Variants in NDUFA12 observed in about 807,000 individuals in gnomAD.
The protein encoded by NDUFA12 is NADH dehydrogenase [ubiquinone] 1 alpha subcomplex subunit 12.
NDUFA12 carries 17 observed loss-of-function variants against 20.3 expected under a neutral mutation model. The observed-to-expected ratio is 0.84, with a 90% CI of 0.57 to 1.26. NDUFA12 has a LOEUF of 1.26. Ranked by LOEUF, NDUFA12 falls within the 50% of genes most tolerant of loss-of-function variation. The pLI, the probability that NDUFA12 is intolerant of heterozygous loss-of-function variation, is 0.00. For synonymous variants in NDUFA12, 72 were observed against 63.6 expected, an observed-to-expected ratio of 1.13 and a Z score of -0.63; for missense variants, 191 against 183.7, an observed-to-expected ratio of 1.04 and a Z score of -0.23.
chr12:94,988,792 G>T (rs527887974), intron 3 of NDUFA12, among the ~76,000 whole-genome samples: 1 of 152,100 alleles, frequency 6.6e-6, no homozygotes, highest in Non-Finnish European at 1.5e-5. Context: ...TGGTGCTAAC[G>T]CCATTTTAGG....
intron 3 of NDUFA12, among the ~76,000 whole-genome samples, chr12:94,978,704 T>G (rs1324724148): frequency 6.6e-6 from 1 of 152,222 alleles, no homozygotes; most frequent in Non-Finnish European, 1.5e-5. Context: ...AGAAAATGAT[T>G]GTTCCTTATT....
intron 3 of NDUFA12, among the ~76,000 whole-genome samples, chr12:94,984,469 C>A (rs1236387657): frequency 1.3e-5 from 2 of 151,624 alleles, no homozygotes; most frequent in African/African-American, 2.4e-5. Context: ...GCGGAGGTTG[C>A]GGTTGAGCTG....
intron 2 of NDUFA12, among the ~76,000 whole-genome samples, chr12:94,998,384 G>C (rs1029630077): frequency 1.3e-5 from 2 of 152,100 alleles, no homozygotes; most frequent in Non-Finnish European, 2.9e-5. Flanking sequence ...ATACCGAATG[G>C]GGAAAGGCTG....
intron 3 of NDUFA12, among the ~76,000 whole-genome samples, chr12:94,983,169 G>GTAAGAACCAAAGAGC (rs1874299166): frequency 6.6e-6 from 1 of 152,014 alleles, no homozygotes; most frequent in South Asian, 2.1e-4. Flanking sequence ...TCCTTGACTG[G>GTAAGAACCAAAGAGC]TTTTTCTCTC....
At position 94,971,487 on chromosome 12, in the gene NDUFA12, T is replaced by C. The variant is rs746961036; in HGVS notation, c.391A>G (p.Arg131Gly). ...GGGATCCACTCCTGAATCTTCTTTC[T>C]AGTGGTAGAATAAGGTACATATTGT... The part of the protein sequence containing the change: ...PEQYVPYSTT[R>G]KKIQEWIPPS... Residue 131 changes from arginine to glycine, a missense_variant, in exon 4 of 4, where the codon AGA becomes GGA. By Grantham distance (125) the Arg-to-Gly change is moderately radical (BLOSUM62 -2). Transcript: ENST00000327772. 4 of 1,614,132 alleles carry C rather than the reference T, an allele frequency of 2.5e-6. No individual in the cohort carries two copies. The highest frequency in any genetic ancestry group is 1.7e-5 in the Admixed American group (1 of 60,010).
At chr12:95,003,113 A>T (rs560436773) in intron 1 of NDUFA12, among the ~76,000 whole-genome samples, 1 of 152,360 alleles carries the variant, frequency 6.6e-6, no homozygotes, top group South Asian at 2.1e-4. Flanking sequence ...AAAGTATTTC[A>T]TCTTCTTACA....
At chr12:94,998,955 T>C (rs1038277059) in intron 2 of NDUFA12, among the ~76,000 whole-genome samples, 4 of 152,172 alleles carry the variant, frequency 2.6e-5, no homozygotes, top group African/African-American at 9.7e-5. Context: ...AATACCATCA[T>C]CATTCTTCAC....
chr12:94,997,645 T>C (rs1874881732), intron 2 of NDUFA12, among the ~76,000 whole-genome samples: 1 of 152,186 alleles, frequency 6.6e-6, no homozygotes, highest in Non-Finnish European at 1.5e-5. Flanking sequence ...GAAACTTTTT[T>C]TGTGTGCTGT....
intron 2 of NDUFA12, among the ~76,000 whole-genome samples, chr12:95,001,672 G>A (rs1473193499): frequency 6.6e-6 from 1 of 152,094 alleles, no homozygotes; most frequent in African/African-American, 2.4e-5. Context: ...ATAAAACAAT[G>A]CTGTGATGTA....
chr12:94,984,206 C>T (rs1053621474), intron 3 of NDUFA12, among the ~76,000 whole-genome samples: 2 of 152,106 alleles, frequency 1.3e-5, no homozygotes, highest in Admixed American at 1.3e-4. Flanking sequence ...CTGGTGGGGA[C>T]ACACAATCAT....
chr12:94,996,819 CAA>C (rs10654978), intron 2 of NDUFA12: 650 of 153,092 alleles, frequency 4.2e-3, no homozygotes, highest in South Asian at 0.013. Context: ...AACTCTGTCT[CAA>C]AAAAAAAAAA....
In NDUFA12 at chr12:94,990,588, A is replaced by G. The variant is rs532416357; in HGVS notation, c.257+3582T>C. The stretch of plus-strand genomic sequence containing the variant: ...CAGGCATGTACAACCATGCCTGGCT[A>G]ATTTTCTAAAACTTTTTTTATTTAT... On this transcript the variant is annotated intron_variant, in intron 3 of 3. Coordinates refer to ENST00000327772, the MANE Select transcript of NDUFA12 (RefSeq NM_018838.5). Among the ~76,000 whole-genome samples the G allele has an allele frequency of 3.5e-4, 53 of 152,120 alleles. No homozygotes were observed. The South Asian group carries it at 0.011, about 31-fold the overall frequency.
intron 1 of NDUFA12, among the ~76,000 whole-genome samples, chr12:95,003,352 A>G (rs1025205584): frequency 4.6e-5 from 7 of 152,172 alleles, no homozygotes; most frequent in Non-Finnish European, 1.0e-4. Context: ...GGCGTGGGAA[A>G]AGAGGGGAGC....
chr12:94,996,819 CAAA>C (rs10654978), intron 2 of NDUFA12: 72 of 153,318 alleles, frequency 4.7e-4, no homozygotes, highest in South Asian at 1.1e-3. Flanking sequence ...AACTCTGTCT[CAAA>C]AAAAAAAAAA....
At chr12:94,976,436 G>C (rs1005144356) in intron 3 of NDUFA12, among the ~76,000 whole-genome samples, 1 of 152,172 alleles carries the variant, frequency 6.6e-6, no homozygotes, top group Non-Finnish European at 1.5e-5. Context: ...ATCCACAAAT[G>C]ATCATTTGTG....
chr12:94,998,159 G>C (rs879273060), intron 2 of NDUFA12, among the ~76,000 whole-genome samples: 1 of 152,156 alleles, frequency 6.6e-6, no homozygotes, highest in Non-Finnish European at 1.5e-5. Flanking sequence ...TTGAATACTA[G>C]GGATGCAGGG....
At chr12:94,976,061 T>A (rs1342880597) in intron 3 of NDUFA12, among the ~76,000 whole-genome samples, 1 of 152,128 alleles carries the variant, frequency 6.6e-6, no homozygotes, top group African/African-American at 2.4e-5. Context: ...ACAGAGAATA[T>A]TTTATGACTT....
chr12:94,993,315 C>T (rs1280977430), intron 3 of NDUFA12, among the ~76,000 whole-genome samples: 2 of 78,414 alleles, frequency 2.6e-5, no homozygotes, highest in African/African-American at 3.8e-5. Context: ...ATGGCGAAAT[C>T]GCATTTCTAT....
rs1874401524 is a variant in NDUFA12 at position 94,985,527 on chromosome 12, T to C, written c.257+8643A>G. Among the ~76,000 whole-genome samples, 5 of 146,590 alleles carry C rather than the reference T, an allele frequency of 3.4e-5. No homozygotes were observed. In the South Asian group the frequency reaches 1.1e-3, roughly 31 times the overall value. ...CTGTAGTCCCAGCTACTCAGGAGGCTGAGGCAGGAGAATGACGTGAACCTG... is the reference window on the plus strand; with the variant it reads ...CTGTAGTCCCAGCTACTCAGGAGGCCGAGGCAGGAGAATGACGTGAACCTG... On this transcript the variant is annotated intron_variant, in intron 3 of 3. Transcript: ENST00000327772.
Sources: gnomAD v4.1 joint callset for allele counts (sites outside exome capture counted in the v4.1 genomes callset) on GRCh38, gnomAD v4.1.1 for gene constraint, MANE v1.5 for transcripts, NCBI Gene and HGNC (gene_info 2026-07-23, HGNC 2026-07-21) for gene names.